Variants in ARHGEF16 observed in about 807,000 individuals in gnomAD.
ARHGEF16 encodes Rho guanine nucleotide exchange factor 16, also known as Rho guanine exchange factor (GEF) 16.
ARHGEF16 carries 59 observed loss-of-function variants against 74.1 expected under a neutral mutation model. That is an observed-to-expected ratio of 0.80 (90% CI 0.65 to 0.99). ARHGEF16 has a LOEUF of 0.99. Ranked by LOEUF, ARHGEF16 falls within the 50% of genes least tolerant of loss-of-function variation. The pLI is 0.00. For missense variants in ARHGEF16, 948 were observed against 986.6 expected, an observed-to-expected ratio of 0.96 and a Z score of 0.52; for synonymous variants, 415 against 412.6, an observed-to-expected ratio of 1.01 and a Z score of -0.07.
At chr1:3,470,916 GTGGGCAGGGGTGTGTGTGCA>G (rs1409589981) in intron 6 of ARHGEF16, among the ~76,000 whole-genome samples, 1 of 145,220 alleles carries the variant, frequency 6.9e-6, no homozygotes, top group Admixed American at 6.9e-5. Context: ...GGGTATGTGT[GTGGGCAGGGGTGTGTGTGCA>G]TGGGCAGGGG....
chr1:3,469,695 T>C, intron 6 of ARHGEF16, 102 bp downstream of exon 6: 2 of 1,449,834 alleles, frequency 1.4e-6, no homozygotes, highest in Non-Finnish European at 1.9e-6. Flanking sequence ...GAGCCTGCGC[T>C]GCACCTTGAT....
Position 3,477,882 on chromosome 1 carries a change from C to T in ARHGEF16, c.1481C>T (p.Pro494Leu). The change falls in exon 11 of 15, where the codon CCA becomes CTA. Residue 494 changes from proline to leucine, a missense_variant. By Grantham distance (98) the Pro-to-Leu change is moderately conservative. Coordinates refer to ENST00000378378, the MANE Select transcript of ARHGEF16 (RefSeq NM_014448.4). ...QLDFSKVKSL[P>L]LISASRWLLK... Reference sequence around the variant, plus strand: ...CCGGCTCTGTCCCCCCAGTCCCTCCCACTGATCTCTGCCTCCCGGTGGCTG... The same window carrying T: ...CCGGCTCTGTCCCCCCAGTCCCTCCTACTGATCTCTGCCTCCCGGTGGCTG... 1 of 1,603,236 alleles carries T rather than the reference C, an allele frequency of 6.2e-7. No homozygotes were observed.
At chr1:3,479,483 T>C in intron 12 of ARHGEF16, 34 bp from the exon 13 acceptor site, 1 of 1,610,176 alleles carries the variant, frequency 6.2e-7, no homozygotes, top group Non-Finnish European at 8.5e-7. Context: ...AGGATCGGTC[T>C]CCAGGCCTGG....
Position 3,462,332 on chromosome 1 carries a change from T to G in ARHGEF16, c.-19-734T>G, listed in dbSNP as rs138293092. On this transcript the variant is annotated intron_variant, in intron 1 of 14. Transcript: ENST00000378378. ...TCAGAAACGTGGAAAAATGCAAGCGTGTTGCCTGGTGTGTGGAAAGGTTCC... is the reference window on the plus strand; with the variant it reads ...TCAGAAACGTGGAAAAATGCAAGCGGGTTGCCTGGTGTGTGGAAAGGTTCC... Among the ~76,000 whole-genome samples the G allele has an allele frequency of 3.9e-3, 600 of 152,222 alleles. 2 individuals are homozygous for G. The highest frequency in any genetic ancestry group is 0.014 in the African/African-American group (563 of 41,522).
intron 10 of ARHGEF16, 44 bp from the exon 11 acceptor site, chr1:3,477,831 C>A (rs200354446): frequency 5.0e-6 from 8 of 1,601,646 alleles, no homozygotes; most frequent in East Asian, 4.5e-5. Context: ...CTGTCCCCCC[C>A]AGTCCCTCGC....
chr1:3,474,803 A>C, intron 9 of ARHGEF16, 21 bp downstream of exon 9: 1 of 1,611,018 alleles, frequency 6.2e-7, no homozygotes, highest in Non-Finnish European at 8.5e-7. Context: ...GCCTGGCCCC[A>C]GCCCTACCCG....
chr1:3,479,556 T>G lies in ARHGEF16; in HGVS notation c.1854T>G (p.Ser618Arg). ...RARWIVALTH[S>R]ERQWQGLSSK... ...GGTGGATCGTGGCGCTCACACACAG[T>G]GAGAGACAGTGGCAGGGCCTCTCCA... Residue 618 changes from serine (S) to arginine (R), a missense_variant, in exon 13 of 15, where the codon AGT (serine) becomes AGG (arginine). Ser to Arg is a moderately radical substitution (Grantham distance 110). Transcript: ENST00000378378. 1 of 1,612,522 alleles carries G rather than the reference T, an allele frequency of 6.2e-7. No homozygotes were observed. Among genetic ancestry groups the G allele is most frequent in the Non-Finnish European group, 8.5e-7 (1 of 1,179,852 alleles).
chr1:3,470,914 G>C (rs1639699618), intron 6 of ARHGEF16, among the ~76,000 whole-genome samples: 2 of 142,630 alleles, frequency 1.4e-5, no homozygotes, highest in Non-Finnish European at 3.1e-5. Flanking sequence ...AGGGGTATGT[G>C]TGTGGGCAGG....
intron 1 of ARHGEF16, among the ~76,000 whole-genome samples, chr1:3,458,561 C>A (rs977497790): frequency 1.3e-5 from 2 of 152,218 alleles, no homozygotes; most frequent in African/African-American, 4.8e-5. Flanking sequence ...GCTGGGGGTC[C>A]CATTGGGCCC....
At chr1:3,474,147 T>C (rs554228812) in intron 8 of ARHGEF16, 19 of 188,052 alleles carry the variant, frequency 1.0e-4, no homozygotes, top group African/African-American at 4.7e-4. Context: ...TGCATGCACA[T>C]GTGCACACAA....
intron 1 of ARHGEF16, among the ~76,000 whole-genome samples, chr1:3,461,044 G>C (rs1303192508): frequency 6.6e-6 from 1 of 152,156 alleles, no homozygotes; most frequent in Non-Finnish European, 1.5e-5. Flanking sequence ...AGTGACTTTG[G>C]GCGAGTGACT....
chr1:3,457,468 G>C (rs1049705768), intron 1 of ARHGEF16, among the ~76,000 whole-genome samples: 2 of 152,236 alleles, frequency 1.3e-5, no homozygotes, highest in African/African-American at 4.8e-5. Context: ...CAGCAGCTGT[G>C]CCCAGAGCCC....
intron 1 of ARHGEF16, among the ~76,000 whole-genome samples, chr1:3,456,998 C>A (rs1639280003): frequency 6.6e-6 from 1 of 152,244 alleles, no homozygotes; most frequent in Admixed American, 6.5e-5. Flanking sequence ...ATCCAGATAA[C>A]AGGTCTCTCC....
intron 2 of ARHGEF16, among the ~76,000 whole-genome samples, chr1:3,465,641 G>A (rs560344531): frequency 9.8e-5 from 15 of 152,328 alleles, no homozygotes; most frequent in Admixed American, 5.2e-4. Context: ...TGTCCCAGCC[G>A]AGGAGGGTGG....
chr1:3,458,337 GC>G (rs1639311886), intron 1 of ARHGEF16, among the ~76,000 whole-genome samples: 1 of 152,324 alleles, frequency 6.6e-6, no homozygotes, highest in East Asian at 1.9e-4. Context: ...TCTGCCACTG[GC>G]CCACGTGGCT....
intron 1 of ARHGEF16, 137 bp downstream of exon 1, chr1:3,454,948 C>G (rs1175251513): frequency 6.6e-6 from 1 of 152,162 alleles, no homozygotes; most frequent in Non-Finnish European, 1.5e-5. Flanking sequence ...AAGCCCCGCC[C>G]CGGCAGCCGC....
At chr1:3,466,717 T>A (rs1170185985) in intron 3 of ARHGEF16, among the ~76,000 whole-genome samples, 1 of 152,090 alleles carries the variant, frequency 6.6e-6, no homozygotes, top group East Asian at 1.9e-4. Context: ...GTAAAGAGAT[T>A]AGAGGCAATG....
In ARHGEF16 at chr1:3,479,538, C is replaced by T. The variant is rs376384481; in HGVS notation, c.1836C>T (p.Ile612=). Reference sequence around the variant, plus strand: ...CCAGGAGTGACCGGGCACGGTGGATCGTGGCGCTCACACACAGTGAGAGAC... The same window carrying T: ...CCAGGAGTGACCGGGCACGGTGGATTGTGGCGCTCACACACAGTGAGAGAC... ...SDSASDRARW[I]VALTHSERQW... is the part of the protein sequence containing the mutation. Residue 612 remains isoleucine (I), a synonymous_variant, in exon 13 of 15, where the codon ATC becomes ATT. Transcript: ENST00000378378. The T allele has an allele frequency of 6.8e-6, 11 of 1,612,492 alleles. No individual in the cohort carries two copies. The highest frequency in any genetic ancestry group is 2.2e-5 in the East Asian group (1 of 44,888).
At chr1:3,467,447 C>A in intron 4 of ARHGEF16, 110 bp downstream of exon 4, 1 of 1,317,088 alleles carries the variant, frequency 7.6e-7, no homozygotes, top group Non-Finnish European at 1.0e-6. Context: ...GCAGCCCAGT[C>A]CTCCCAGGGA....
Sources: gnomAD v4.1 joint callset for allele counts (sites outside exome capture counted in the v4.1 genomes callset) on GRCh38, gnomAD v4.1.1 for gene constraint, MANE v1.5 for transcripts, NCBI Gene and HGNC (gene_info 2026-07-23, HGNC 2026-07-21) for gene names.